CDH13: variants seen among roughly 807,000 people sequenced by gnomAD.
The protein encoded by CDH13 is cadherin 13.
Under a neutral mutation model 63.8 loss-of-function variants are expected in CDH13, and 24 were observed. The observed-to-expected ratio is 0.38, with a 90% CI of 0.27 to 0.53. The LOEUF (loss-of-function observed/expected upper bound fraction) is 0.53. Ranked by LOEUF, CDH13 falls within the 20% of genes least tolerant of loss-of-function variation. The probability of loss-of-function intolerance (pLI) is 0.85; values close to 1 mark genes in which losing one functional copy is unlikely to be tolerated. For missense variants in CDH13, 1,049 were observed against 903.1 expected (o/e 1.16, Z -2.07); for synonymous variants, 503 against 355.3 (o/e 1.42, Z -4.67).
In CDH13 at chr16:82,761,017, C is replaced by CTTTTTTTTTTTTTTTTTTTTTT. The variant is rs35038319; in HGVS notation, c.46-97337_46-97316dup. On this transcript the variant is annotated intron_variant, in intron 1 of 13. Coordinates refer to ENST00000567109, the MANE Select transcript of CDH13 (RefSeq NM_001257.5). ...CTCTGGGGTTCACATTTCTTTCTTT[C>CTTTTTTTTTTTTTTTTTTTTTT]TTTTTTTTTTTTTTTTTTTTTTTTT... Among the ~76,000 whole-genome samples the CTTTTTTTTTTTTTTTTTTTTTT allele has an allele frequency of 4.0e-3, 163 of 40,484 alleles. 40 individuals are homozygous for CTTTTTTTTTTTTTTTTTTTTTT. The highest frequency in any genetic ancestry group is 4.7e-3 in the Non-Finnish European group (102 of 21,892). The allele number at this position is 40,484 out of a possible 152,430, so 26.6% of individuals were successfully genotyped here.
chr16:83,517,400 T>C (rs2074722954), intron 7 of CDH13, among the ~76,000 whole-genome samples: 1 of 152,242 alleles, frequency 6.6e-6, no homozygotes. Flanking sequence ...AACATGGGTC[T>C]GCTGGGGAGC....
intron 10 of CDH13, among the ~76,000 whole-genome samples, chr16:83,743,767 TCTTTGC>T (rs1567566642): frequency 4.3e-5 from 6 of 138,056 alleles, no homozygotes; most frequent in Admixed American, 7.4e-5. Context: ...TTTTTTTTTT[TCTTTGC>T]TTTTTCCATC....
In CDH13 at chr16:82,792,262, G is replaced by A. The variant is rs150646843; in HGVS notation, c.46-66100G>A. On this transcript the variant is annotated intron_variant, in intron 1 of 13. Transcript: ENST00000567109. ...TGGGCTGAACTGTCTGCCTTTCCCA[G>A]TATGGAAGTCATCACTTACTCATTC... is the stretch of plus-strand genomic sequence containing the variant. Among the ~76,000 whole-genome samples the A allele has an allele frequency of 9.9e-5, 15 of 152,222 alleles. No individual in the cohort carries two copies. The East Asian group carries it at 2.9e-3, about 29-fold the overall frequency.
intron 7 of CDH13, among the ~76,000 whole-genome samples, chr16:83,540,749 A>G (rs1301567444): frequency 6.6e-6 from 1 of 152,178 alleles, no homozygotes; most frequent in Non-Finnish European, 1.5e-5. Flanking sequence ...TAATTGCGGC[A>G]GTCAGCCACA....
At chr16:83,015,257 T>A (rs1418333968) in intron 2 of CDH13, among the ~76,000 whole-genome samples, 1 of 151,980 alleles carries the variant, frequency 6.6e-6, no homozygotes, top group Admixed American at 6.6e-5. Flanking sequence ...AAATGACTAT[T>A]AAATAATATG....
At chr16:82,779,241 C>G (rs1021441437) in intron 1 of CDH13, among the ~76,000 whole-genome samples, 1 of 152,074 alleles carries the variant, frequency 6.6e-6, no homozygotes, top group Non-Finnish European at 1.5e-5. Flanking sequence ...ATGAGAAAAC[C>G]GAGGTGTAGG....
intron 1 of CDH13, among the ~76,000 whole-genome samples, chr16:82,770,071 G>A (rs2035204776): frequency 1.3e-5 from 2 of 152,232 alleles, no homozygotes. Flanking sequence ...GTCAGCCAAA[G>A]CACAACTGTC....
At chr16:82,850,172 C>A (rs571293962) in intron 1 of CDH13, among the ~76,000 whole-genome samples, 452 of 152,204 alleles carry the variant, frequency 3.0e-3, no homozygotes, top group Non-Finnish European at 4.0e-3. Context: ...GAGTCAAAAA[C>A]CTGCTGAAAA....
At chr16:83,258,179 A>C (rs2151832777) in intron 5 of CDH13, among the ~76,000 whole-genome samples, 1 of 152,360 alleles carries the variant, frequency 6.6e-6, no homozygotes, top group East Asian at 1.9e-4. Flanking sequence ...AGATGAGTGA[A>C]GAAATTGATT....
intron 5 of CDH13, among the ~76,000 whole-genome samples, chr16:83,244,226 G>T (rs921678779): frequency 6.6e-6 from 1 of 151,992 alleles, no homozygotes; most frequent in Admixed American, 6.6e-5. Flanking sequence ...CTCCAAGAGG[G>T]CTGAGACTGC....
chr16:83,039,778 G>T (rs1255621887), intron 3 of CDH13, among the ~76,000 whole-genome samples: 1 of 152,010 alleles, frequency 6.6e-6, no homozygotes, highest in Admixed American at 6.6e-5. Context: ...ATCACTTGTG[G>T]TTTCTTGAAT....
At chr16:82,947,004 CTGTGTG>C (rs3223223) in intron 2 of CDH13, among the ~76,000 whole-genome samples, 3,886 of 134,982 alleles carry the variant, frequency 0.029, 135 homozygotes, top group African/African-American at 0.088. Context: ...GTGCGCACGC[CTGTGTG>C]TGTGTGTGTG....
chr16:83,075,671 G>A (rs2032783364), intron 3 of CDH13, among the ~76,000 whole-genome samples: 1 of 152,214 alleles, frequency 6.6e-6, no homozygotes, highest in Admixed American at 6.5e-5. Context: ...TCCCGGCAAA[G>A]TAATTACAAG....
chr16:83,133,073 C>A (rs1316111482), intron 4 of CDH13, among the ~76,000 whole-genome samples: 1 of 152,194 alleles, frequency 6.6e-6, no homozygotes, highest in African/African-American at 2.4e-5. Context: ...CAATATGGTA[C>A]CCACTAACCA....
At chr16:83,285,853 G>A (rs1220626805) in intron 5 of CDH13, among the ~76,000 whole-genome samples, 1 of 152,066 alleles carries the variant, frequency 6.6e-6, no homozygotes, top group Non-Finnish European at 1.5e-5. Flanking sequence ...GAATTATAGA[G>A]GAAAAAAAAT....
intron 10 of CDH13, among the ~76,000 whole-genome samples, chr16:83,742,987 C>A (rs887180342): frequency 6.6e-6 from 1 of 152,160 alleles, no homozygotes; most frequent in Non-Finnish European, 1.5e-5. Flanking sequence ...GCAGGTGGAT[C>A]GCTTGAGGTC....
chr16:83,244,973 C>G (rs571319687), intron 5 of CDH13, among the ~76,000 whole-genome samples: 1 of 152,090 alleles, frequency 6.6e-6, no homozygotes, highest in Admixed American at 6.5e-5. Context: ...GGTTTAGGCA[C>G]GTTGAGCCAC....
intron 5 of CDH13, among the ~76,000 whole-genome samples, chr16:83,243,272 T>G (rs1904651364): frequency 6.6e-6 from 1 of 152,172 alleles, no homozygotes; most frequent in Non-Finnish European, 1.5e-5. Context: ...AAAATGAAGT[T>G]TAATGCACTT....
At chr16:83,424,065 G>A (rs2071807072) in intron 6 of CDH13, among the ~76,000 whole-genome samples, 2 of 152,082 alleles carry the variant, frequency 1.3e-5, no homozygotes, top group African/African-American at 4.8e-5. Context: ...CAGTCTAGAA[G>A]AGGGAAATCC....
Sources: gnomAD v4.1 joint callset for allele counts (sites outside exome capture counted in the v4.1 genomes callset) on GRCh38, gnomAD v4.1.1 for gene constraint, MANE v1.5 for transcripts, NCBI Gene and HGNC (gene_info 2026-07-23, HGNC 2026-07-21) for gene names.